Variants in FRMD1 observed in about 807,000 individuals in gnomAD.
FRMD1 encodes FERM domain containing 1.
In FRMD1, 51 loss-of-function variants were observed where a neutral mutation model predicts 54.9. The observed-to-expected ratio is 0.93, with a 90% CI of 0.74 to 1.17. The LOEUF (loss-of-function observed/expected upper bound fraction) is 1.17, where lower values mean the gene tolerates loss of function less well. Among genes scored for constraint, FRMD1 ranks in the 50% most tolerant of loss-of-function variants. The probability of loss-of-function intolerance (pLI) is 0.00; values close to 1 mark genes in which losing one functional copy is unlikely to be tolerated. For synonymous variants in FRMD1, 324 were observed against 306.4 expected, an observed-to-expected ratio of 1.06 and a Z score of -0.60; for missense variants, 729 against 743.0, an observed-to-expected ratio of 0.98 and a Z score of 0.22.
chr6:168,077,776 G>C (rs1283534135), intron 1 of FRMD1, among the ~76,000 whole-genome samples: 1 of 152,208 alleles, frequency 6.6e-6, no homozygotes, highest in East Asian at 1.9e-4. Context: ...CTCTTATGGG[G>C]TAGGGGGCCA....
Position 168,060,745 on chromosome 6 carries a change from T to C in FRMD1, c.1342+16A>G, listed in dbSNP as rs1268218707. On this transcript the variant is annotated intron_variant, in intron 9 of 10. Coordinates refer to ENST00000283309, the MANE Select transcript of FRMD1 (RefSeq NM_024919.6). Reference sequence around the variant, plus strand: ...ACTCACTGTCCCTGAGGCCTGGGCATCTCCCTCGGGCCCACCTTGGCTGTC... The same window carrying C: ...ACTCACTGTCCCTGAGGCCTGGGCACCTCCCTCGGGCCCACCTTGGCTGTC... The C allele has an allele frequency of 5.6e-6, 9 of 1,598,364 alleles. No individual in the cohort carries two copies. The highest frequency in any genetic ancestry group is 7.7e-6 in the Non-Finnish European group (9 of 1,170,318).
intron 1 of FRMD1, among the ~76,000 whole-genome samples, chr6:168,090,129 C>A (rs567724646): frequency 3.9e-5 from 6 of 152,160 alleles, no homozygotes; most frequent in Non-Finnish European, 7.3e-5. Flanking sequence ...CCCACCTCCA[C>A]GTCCACCACT....
chr6:168,061,741 T>G (rs1389600055), intron 8 of FRMD1, 66 bp downstream of exon 8: 1 of 1,451,514 alleles, frequency 6.9e-7, no homozygotes, highest in East Asian at 2.5e-5. Flanking sequence ...CAGAGCCCAG[T>G]GTGCCCAGCC....
chr6:168,058,199 A>T (rs1268210594), intron 10 of FRMD1, among the ~76,000 whole-genome samples: 1 of 130,302 alleles, frequency 7.7e-6, no homozygotes, highest in Non-Finnish European at 1.6e-5. Context: ...CTCTCCATCC[A>T]GCCTCCCGTG....
At chr6:168,084,166 T>G (rs753533130), upstream of FRMD1, among the ~76,000 whole-genome samples, 77 of 152,126 alleles carry the variant, frequency 5.1e-4, 1 homozygote, top group Non-Finnish European at 7.4e-5. Context: ...GGGGTCTGCC[T>G]CTTCCTATTG....
rs868040472 is a variant in FRMD1, at chr6:168,074,751, G to A, written c.304+494C>T. ...GTGACTGGTGTGTAACTGTGTGCATGTGTGTGGTGCATGCATGTGTACATG... is the reference window on the plus strand; with the variant it reads ...GTGACTGGTGTGTAACTGTGTGCATATGTGTGGTGCATGCATGTGTACATG... On this transcript the variant is annotated intron_variant, in intron 2 of 10. Coordinates refer to ENST00000283309, the MANE Select transcript of FRMD1 (RefSeq NM_024919.6). 6.5e-4 allele frequency among the ~76,000 whole-genome samples: 49 copies of A among 74,834 alleles called. 2 individuals carry two copies. The highest frequency in any genetic ancestry group is 2.2e-3 in the African/African-American group (46 of 21,240). The allele number at this position is 74,834 out of a possible 152,430, so 49.1% of individuals were successfully genotyped here.
chr6:168,080,436 T>C (rs1412451877), upstream of FRMD1, among the ~76,000 whole-genome samples: 2 of 87,056 alleles, frequency 2.3e-5, no homozygotes, highest in Admixed American at 2.3e-4. Context: ...ACAAAAAGTT[T>C]TAAAAATGGC....
intron 1 of FRMD1, among the ~76,000 whole-genome samples, chr6:168,086,796 C>T (rs766048500): frequency 1.4e-4 from 22 of 152,352 alleles, no homozygotes; most frequent in African/African-American, 3.8e-4. Context: ...CTGGATGGCA[C>T]GATGTTCCAT....
Position 168,057,271 on chromosome 6 carries a change from G to A in FRMD1, c.1476C>T (p.His492=). The change falls in exon 11 of 11, where the codon CAC becomes CAT. Residue 492 remains histidine, a synonymous_variant. Transcript: ENST00000283309. ...HSHGLDDMQL[H]QLALHPAPTS... The stretch of plus-strand genomic sequence containing the variant: ...TGGGCGCTGGGTGCAGGGCCAGCTG[G>A]TGCAGCTGCATGTCGTCCAGGCCAT... 1 of 1,612,114 alleles carries A rather than the reference G, an allele frequency of 6.2e-7. No individual in the cohort carries two copies. The highest frequency in any genetic ancestry group is 8.5e-7 in the Non-Finnish European group (1 of 1,179,560).
In FRMD1 at chr6:168,069,734, C is replaced by T. The variant is rs927412922; in HGVS notation, c.305-2288G>A. 3.8e-4 allele frequency among the ~76,000 whole-genome samples: 58 copies of T among 152,252 alleles called. 1 individual carries two copies. Among genetic ancestry groups the T allele is most frequent in the Middle Eastern group, 3.4e-3 (1 of 294 alleles). On this transcript the variant is annotated intron_variant, in intron 2 of 10. Coordinates refer to ENST00000283309, the MANE Select transcript of FRMD1 (RefSeq NM_024919.6). The stretch of plus-strand genomic sequence containing the variant: ...TCAAACACTACGAGAACAATACTTG[C>T]GGCAACACCGATCTAGAAGATGAAA...
At chr6:168,062,597 T>C (rs1799808041) in intron 7 of FRMD1, 2 of 1,428,560 alleles carry the variant, frequency 1.4e-6, no homozygotes, top group Non-Finnish European at 1.9e-6. Flanking sequence ...TGCAGAATTG[T>C]CCAGAAAATG....
rs768388623 is a variant in FRMD1 at position 168,063,694 on chromosome 6, G to A, written c.711C>T (p.Arg237=). The change falls in exon 6 of 11, where the codon CGC becomes CGT. Residue 237 remains arginine (R), a synonymous_variant. Coordinates refer to ENST00000283309, the MANE Select transcript of FRMD1 (RefSeq NM_024919.6). ...LRHMPTLHRE[R]QGLSPKEAML... is the part of the protein sequence containing the mutation. Reference sequence around the variant, plus strand: ...TGGCCTCCTTGGGGCTCAGGCCCTGGCGCTCACGGTGCAGGGTAGGCATGT... The same window carrying A: ...TGGCCTCCTTGGGGCTCAGGCCCTGACGCTCACGGTGCAGGGTAGGCATGT... 5 of 1,613,922 alleles carry A rather than the reference G, an allele frequency of 3.1e-6. No homozygotes were observed. In the South Asian group the frequency reaches 5.5e-5, roughly 18 times the overall value.
chr6:168,066,875 G>A (rs1182709533), intron 3 of FRMD1, 44 bp from the exon 4 acceptor site: 1 of 1,603,720 alleles, frequency 6.2e-7, no homozygotes, highest in Non-Finnish European at 8.5e-7. Flanking sequence ...CCGCAGGGAG[G>A]TGCCGCTGGC....
At chr6:168,060,729 C>T in intron 9 of FRMD1, 32 bp downstream of exon 9, 1 of 1,586,974 alleles carries the variant, frequency 6.3e-7, no homozygotes, top group Non-Finnish European at 8.6e-7. Context: ...CACTCACTGT[C>T]CCTGAGGCCT....
At chr6:168,087,357 T>A (rs966799272) in intron 1 of FRMD1, among the ~76,000 whole-genome samples, 1 of 152,218 alleles carries the variant, frequency 6.6e-6, no homozygotes, top group African/African-American at 2.4e-5. Context: ...CATGAGCCAC[T>A]GTGCCCGAAC....
chr6:168,071,087 T>C (rs2114996386), intron 2 of FRMD1, among the ~76,000 whole-genome samples: 1 of 152,296 alleles, frequency 6.6e-6, no homozygotes, highest in Admixed American at 6.5e-5. Flanking sequence ...AGCACGAGAC[T>C]CCTGCAGGGC....
chr6:168,066,167 T>C (rs1185512296), intron 4 of FRMD1: 2 of 986,288 alleles, frequency 2.0e-6, no homozygotes, highest in East Asian at 1.1e-4. Flanking sequence ...CCGGATGGTA[T>C]ACCCACCCTA....
chr6:168,066,004 T>G, intron 4 of FRMD1: 2 of 1,000,200 alleles, frequency 2.0e-6, no homozygotes, highest in Non-Finnish European at 2.4e-6. Flanking sequence ...CCCGTTGGTT[T>G]AGAGTGCAGC....
upstream of FRMD1, among the ~76,000 whole-genome samples, chr6:168,084,325 CACTG>C (rs1800883369): frequency 6.6e-6 from 1 of 152,218 alleles, no homozygotes; most frequent in Non-Finnish European, 1.5e-5. Context: ...TATTTCTTAG[CACTG>C]CGCGTGTCGG....
Sources: allele counts gnomAD v4.1 joint callset (sites outside exome capture counted in the v4.1 genomes callset), GRCh38; gene constraint gnomAD v4.1.1; transcripts MANE v1.5; gene names NCBI Gene and HGNC (gene_info 2026-07-23, HGNC 2026-07-21).